ZFHX3: variants seen among roughly 807,000 people sequenced by gnomAD.
ZFHX3 encodes the protein zinc finger homeobox 3, also known as zinc finger homeobox protein 3.
A neutral mutation model predicts 279.1 loss-of-function variants in ZFHX3; 42 were observed. The observed-to-expected ratio is 0.15, with a 90% confidence interval of 0.12 to 0.19. The LOEUF is 0.19. Among genes scored for constraint, ZFHX3 ranks in the 10% least tolerant of loss-of-function variants. The probability of loss-of-function intolerance (pLI) is 1.00; values close to 1 mark genes in which losing one functional copy is unlikely to be tolerated. For missense variants in ZFHX3, 4,981 were observed against 4,754.0 expected (o/e 1.05, Z -1.40); for synonymous variants, 2,293 against 1,957.8 (o/e 1.17, Z -4.52).
chr16:73,164,758 A>T (rs1017608088), intron 5 of ZFHX3, among the ~76,000 whole-genome samples: 5 of 152,032 alleles, frequency 3.3e-5, no homozygotes, highest in African/African-American at 1.2e-4. Context: ...TATTGCCAAC[A>T]CTTCCTGAAG....
At chr16:73,789,105 T>C (rs971143076) in intron 1 of ZFHX3, among the ~76,000 whole-genome samples, 1 of 151,262 alleles carries the variant, frequency 6.6e-6, no homozygotes, top group African/African-American at 2.4e-5. Flanking sequence ...TACAGATATC[T>C]TGTAGATATA....
intron 1 of ZFHX3, among the ~76,000 whole-genome samples, chr16:73,709,492 C>A (rs1378722483): frequency 6.6e-6 from 1 of 151,870 alleles, no homozygotes; most frequent in Non-Finnish European, 1.5e-5. Flanking sequence ...CGTGGATGAA[C>A]CTGGAGGGTA....
At chr16:73,409,218 C>A (rs1334698695) in intron 3 of ZFHX3, among the ~76,000 whole-genome samples, 1 of 152,174 alleles carries the variant, frequency 6.6e-6, no homozygotes, top group Admixed American at 6.5e-5. Context: ...ATGTCCTGAC[C>A]TTTAAAAGCT....
In ZFHX3 at chr16:72,787,874, G is replaced by A. The variant is rs376130810; in HGVS notation, c.10402C>T (p.Arg3468Cys). ...TCGCTGAAGCCCGCCTGGCACTTGC[G>A]GCAGACCAACTTGTACTGCACCTTT... ...VPKVQYKLVC[R>C]KCQAGFSDEE... The change falls in exon 10 of 10, where the codon CGC becomes TGC. Residue 3468 changes from arginine to cysteine, a missense_variant. Arg to Cys is a radical substitution (Grantham distance 180, BLOSUM62 -3). Transcript: ENST00000268489. 5.2e-5 allele frequency: 84 copies of A among 1,613,818 alleles called. No homozygotes were observed. The highest frequency in any genetic ancestry group is 6.5e-5 in the Non-Finnish European group (77 of 1,180,014).
At position 72,795,066 on chromosome 16, in the gene ZFHX3, A is replaced by C; in HGVS notation, c.7616T>G (p.Phe2539Cys). 1 of 1,614,148 alleles carries C rather than the reference A, an allele frequency of 6.2e-7. No individual in the cohort carries two copies. Among genetic ancestry groups the C allele is most frequent in the East Asian group, 2.2e-5 (1 of 44,860 alleles). ...PYQCDQCKLAFPSFEHWQEHQ... is the reference protein window; with the variant it reads ...PYQCDQCKLACPSFEHWQEHQ... ...CTCCTGCCAGTGCTCAAATGACGGA[A>C]ATGCCAACTTACACTGGTCACACTG... Residue 2539 changes from phenylalanine to cysteine, a missense_variant, in exon 9 of 10, where the codon TTT (phenylalanine) becomes TGT (cysteine). By Grantham distance (205) the Phe-to-Cys change is radical. This residue lies in a region of ZFHX3 where 744 missense variants were observed against 701.3 expected (regional missense o/e 1.06). Coordinates refer to ENST00000268489, the MANE Select transcript of ZFHX3 (RefSeq NM_006885.4).
At chr16:73,600,333 G>T (rs970580248) in intron 2 of ZFHX3, among the ~76,000 whole-genome samples, 6 of 151,580 alleles carry the variant, frequency 4.0e-5, no homozygotes, top group Non-Finnish European at 8.8e-5. Context: ...CACTGGACTT[G>T]TTCTTCCCCA....
chr16:72,864,144 TA>T (rs2143914122), intron 4 of ZFHX3, among the ~76,000 whole-genome samples: 1 of 152,232 alleles, frequency 6.6e-6, no homozygotes, highest in African/African-American at 2.4e-5. Flanking sequence ...CTTCCCTGAC[TA>T]TCCCTCTACA....
At chr16:73,695,284 G>C (rs1332361396) in intron 1 of ZFHX3, among the ~76,000 whole-genome samples, 1 of 145,148 alleles carries the variant, frequency 6.9e-6, no homozygotes, top group Non-Finnish European at 1.5e-5. Flanking sequence ...TAGCCAGGCT[G>C]GAGTGCAGTG....
intron 1 of ZFHX3, among the ~76,000 whole-genome samples, chr16:73,010,897 T>C (rs754849698): frequency 6.6e-6 from 1 of 152,184 alleles, no homozygotes; most frequent in African/African-American, 2.4e-5. Context: ...CTCGAACTCC[T>C]GGGCTCAAGT....
At position 72,827,655 on chromosome 16, in the gene ZFHX3, G is replaced by T. The variant is rs146731283; in HGVS notation, c.3529+2124C>A. ...ACGTTGAGGCAAAACTGGGATCTTG[G>T]TCCAGGCAAAGCCCCACAGGAGGAT... On this transcript the variant is annotated intron_variant, in intron 5 of 9. Transcript: ENST00000268489. 9.2e-5 allele frequency among the ~76,000 whole-genome samples: 14 copies of T among 152,286 alleles called. No individual in the cohort carries two copies. In the East Asian group the frequency reaches 2.7e-3, roughly 29 times the overall value.
intron 2 of ZFHX3, among the ~76,000 whole-genome samples, chr16:73,641,947 G>A (rs374103063): frequency 2.0e-5 from 3 of 152,130 alleles, no homozygotes; most frequent in Non-Finnish European, 2.9e-5. Flanking sequence ...TAGGTGACGC[G>A]AGCTCTGGGC....
intron 2 of ZFHX3, among the ~76,000 whole-genome samples, chr16:73,527,022 T>C (rs11862810): frequency 0.03 from 4,506 of 152,000 alleles, 212 homozygotes; most frequent in African/African-American, 0.098. Context: ...GAGAATGGGG[T>C]TTCACTTCCA....
intron 3 of ZFHX3, among the ~76,000 whole-genome samples, chr16:72,923,808 C>G (rs1053937614): frequency 3.9e-5 from 6 of 152,304 alleles, no homozygotes; most frequent in African/African-American, 1.4e-4. Context: ...TGCCAATACT[C>G]ATTCCCGATC....
At chr16:72,854,639 C>T (rs2037703729) in intron 4 of ZFHX3, among the ~76,000 whole-genome samples, 1 of 151,938 alleles carries the variant, frequency 6.6e-6, no homozygotes, top group African/African-American at 2.4e-5. Flanking sequence ...AAACTTTTTG[C>T]TTTTTTAAAA....
intron 3 of ZFHX3, among the ~76,000 whole-genome samples, chr16:73,397,726 G>T (rs1006125906): frequency 3.3e-5 from 5 of 151,822 alleles, no homozygotes; most frequent in Admixed American, 2.0e-4. Context: ...CAGATTGGAA[G>T]TGGAGGGTGA....
chr16:72,808,880 T>G (rs763256499), intron 7 of ZFHX3, among the ~76,000 whole-genome samples: 30 of 152,202 alleles, frequency 2.0e-4, no homozygotes, highest in African/African-American at 6.8e-4. Context: ...TATCAAACAT[T>G]GGTATGCAAA....
At chr16:72,884,586 A>G (rs556698014) in intron 4 of ZFHX3, among the ~76,000 whole-genome samples, 3 of 152,350 alleles carry the variant, frequency 2.0e-5, no homozygotes, top group Non-Finnish European at 4.4e-5. Context: ...CTATGTCTAC[A>G]TGAAAGAAAA....
chr16:73,078,806 G>A (rs2144763465), intron 8 of ZFHX3, among the ~76,000 whole-genome samples: 1 of 152,054 alleles, frequency 6.6e-6, no homozygotes, highest in South Asian at 2.1e-4. Context: ...CACCATGCCA[G>A]GCAATTTTTT....
At chr16:73,285,722 A>C (rs1347527287) in intron 4 of ZFHX3, among the ~76,000 whole-genome samples, 7 of 152,176 alleles carry the variant, frequency 4.6e-5, no homozygotes, top group African/African-American at 1.7e-4. Flanking sequence ...CTTTTTATTT[A>C]AGCCCCCTGT....
Sources: gnomAD v4.1 joint callset for allele counts (sites outside exome capture counted in the v4.1 genomes callset) on GRCh38, gnomAD v4.1.1 for gene constraint, gnomAD v4.1.1 regional missense constraint, MANE v1.5 for transcripts, NCBI Gene and HGNC (gene_info 2026-07-23, HGNC 2026-07-21) for gene names.